AP3B1: variants seen among roughly 807,000 people sequenced by gnomAD.
The protein encoded by AP3B1 is adaptor related protein complex 3 subunit beta 1, also known as AP-3 complex subunit beta-1.
Under a neutral mutation model 132.5 loss-of-function variants are expected in AP3B1, and 61 were observed. The ratio of observed to expected loss-of-function variants is 0.46; its 90% confidence interval spans 0.37 to 0.57. The LOEUF is 0.57. Among genes scored for constraint, AP3B1 ranks in the 20% least tolerant of loss-of-function variants. The probability of loss-of-function intolerance (pLI) is 0.00; values close to 1 mark genes in which losing one functional copy is unlikely to be tolerated. For synonymous variants in AP3B1, 388 were observed against 438.3 expected (o/e 0.89, Z 1.43); for missense variants, 1,120 against 1,289.4 (o/e 0.87, Z 2.01).
intron 22 of AP3B1, chr5:78,043,628 A>G (rs562690068): frequency 8.2e-6 from 4 of 486,228 alleles, no homozygotes; most frequent in Non-Finnish European, 1.7e-5. Context: ...ACCCCTGCCA[A>G]TGGGCTCTCC....
chr5:78,178,246 A>G (rs1744230152), intron 8 of AP3B1, among the ~76,000 whole-genome samples: 4 of 152,232 alleles, frequency 2.6e-5, no homozygotes, highest in Admixed American at 2.0e-4. Context: ...AAACAAATAC[A>G]TCTACAGCAG....
intron 17 of AP3B1, among the ~76,000 whole-genome samples, chr5:78,123,893 G>A (rs1167062097): frequency 2.0e-5 from 3 of 152,124 alleles, no homozygotes. Context: ...AAAGACACAG[G>A]CACATGTATG....
chr5:78,161,444 T>C (rs908681193), intron 13 of AP3B1, among the ~76,000 whole-genome samples: 1 of 152,032 alleles, frequency 6.6e-6, no homozygotes, highest in African/African-American at 2.4e-5. Context: ...ACAAAGTTAT[T>C]TTCCCAAGGT....
At chr5:78,070,685 A>G (rs1749497850) in intron 22 of AP3B1, among the ~76,000 whole-genome samples, 1 of 152,060 alleles carries the variant, frequency 6.6e-6, no homozygotes, top group Non-Finnish European at 1.5e-5. Context: ...GATATCCAGA[A>G]TCTAAAAGGA....
chr5:78,259,257 A>AAAAG (rs1276842415), intron 2 of AP3B1, among the ~76,000 whole-genome samples: 1 of 151,756 alleles, frequency 6.6e-6, no homozygotes, highest in African/African-American at 2.4e-5. Flanking sequence ...AAAAAAAAAA[A>AAAAG]AAAGAAAGAA....
chr5:78,153,418 T>C (rs1227644825), intron 14 of AP3B1, among the ~76,000 whole-genome samples: 2 of 139,196 alleles, frequency 1.4e-5, no homozygotes, highest in East Asian at 1.9e-4. Context: ...TTTCCATCCC[T>C]TTTTTTTTTC....
intron 22 of AP3B1, among the ~76,000 whole-genome samples, chr5:78,072,846 T>G (rs1048209476): frequency 6.9e-6 from 1 of 145,498 alleles, no homozygotes; most frequent in Non-Finnish European, 1.5e-5. Context: ...CTCAGCCTCC[T>G]GAGTAGCTGG....
At chr5:78,062,920 C>G (rs1749120815) in intron 22 of AP3B1, among the ~76,000 whole-genome samples, 1 of 152,142 alleles carries the variant, frequency 6.6e-6, no homozygotes, top group Non-Finnish European at 1.5e-5. Context: ...GGGCCCCACT[C>G]AATGTGATGA....
At chr5:78,159,420 G>T (rs561094618) in intron 13 of AP3B1, among the ~76,000 whole-genome samples, 1 of 152,092 alleles carries the variant, frequency 6.6e-6, no homozygotes, top group Admixed American at 6.5e-5. Flanking sequence ...TCTAACATAG[G>T]TCTTATGGGA....
chr5:78,068,729 G>A (rs1208273846), intron 22 of AP3B1, among the ~76,000 whole-genome samples: 1 of 151,960 alleles, frequency 6.6e-6, no homozygotes, highest in Non-Finnish European at 1.5e-5. Context: ...TGAAAAGGAG[G>A]GATTCCTCAC....
At chr5:78,007,886 A>G (rs1385090231) in intron 26 of AP3B1, among the ~76,000 whole-genome samples, 1 of 152,228 alleles carries the variant, frequency 6.6e-6, no homozygotes, top group African/African-American at 2.4e-5. Flanking sequence ...TACACAAAGC[A>G]ATGTATTTTT....
intron 15 of AP3B1, among the ~76,000 whole-genome samples, chr5:78,134,446 A>G (rs1247368302): frequency 6.6e-6 from 1 of 152,218 alleles, no homozygotes; most frequent in East Asian, 1.9e-4. Context: ...ACAAACAAAT[A>G]TGTTTGGTAA....
intron 2 of AP3B1, among the ~76,000 whole-genome samples, chr5:78,261,775 G>T (rs369861131): frequency 1.8e-4 from 27 of 150,832 alleles, no homozygotes; most frequent in African/African-American, 6.3e-4. Context: ...TTTTTGAGAC[G>T]CGGTCTCACT....
At chr5:78,177,980 G>A (rs1681743623) in intron 8 of AP3B1, among the ~76,000 whole-genome samples, 1 of 152,122 alleles carries the variant, frequency 6.6e-6, no homozygotes, top group African/African-American at 2.4e-5. Flanking sequence ...GTGGCAATAT[G>A]TATGGCAGTG....
chr5:78,152,798 A>G (rs113406261), intron 14 of AP3B1, among the ~76,000 whole-genome samples: 2,309 of 152,164 alleles, frequency 0.015, 69 homozygotes, highest in African/African-American at 0.053. Flanking sequence ...TTCTTCATTG[A>G]CCCATTGGTC....
intron 11 of AP3B1, among the ~76,000 whole-genome samples, chr5:78,166,555 GC>G (rs1320562612): frequency 1.3e-5 from 2 of 151,856 alleles, no homozygotes; most frequent in Non-Finnish European, 2.9e-5. Context: ...TCTCCAATGG[GC>G]TTGTGAAAAA....
intron 3 of AP3B1, among the ~76,000 whole-genome samples, chr5:78,233,505 G>A (rs992294308): frequency 6.6e-6 from 1 of 152,142 alleles, no homozygotes; most frequent in Non-Finnish European, 1.5e-5. Context: ...AAAGTGCTGG[G>A]ATTACAGGCG....
intron 7 of AP3B1, among the ~76,000 whole-genome samples, chr5:78,207,443 G>A (rs755637851): frequency 7.9e-5 from 12 of 151,440 alleles, no homozygotes; most frequent in Non-Finnish European, 4.4e-5. Flanking sequence ...AAGAAAAAAG[G>A]ACAAACATTA....
chr5:78,225,505 C>T, intron 6 of AP3B1, 37 bp downstream of exon 6: 3 of 1,178,304 alleles, frequency 2.5e-6, no homozygotes, highest in Non-Finnish European at 2.5e-6. Flanking sequence ...AAATAAAGTA[C>T]ATTTTTATGT....
Sources: allele counts gnomAD v4.1 joint callset (sites outside exome capture counted in the v4.1 genomes callset), GRCh38; gene constraint gnomAD v4.1.1; transcripts MANE v1.5; gene names NCBI Gene and HGNC (gene_info 2026-07-23, HGNC 2026-07-21).